Variants in IFT57 observed in about 807,000 individuals in gnomAD.
IFT57 encodes intraflagellar transport protein 57 homolog.
Under a neutral mutation model 56.8 loss-of-function variants are expected in IFT57, and 59 were observed. That is an observed-to-expected ratio of 1.04 (90% CI 0.84 to 1.29). The LOEUF (loss-of-function observed/expected upper bound fraction) is 1.29, where lower values mean the gene tolerates loss of function less well. Among genes scored for constraint, IFT57 ranks in the 50% most tolerant of loss-of-function variants. The probability of loss-of-function intolerance (pLI) is 0.00; values close to 1 mark genes in which losing one functional copy is unlikely to be tolerated. For synonymous variants in IFT57, 209 were observed against 186.1 expected, an observed-to-expected ratio of 1.12 and a Z score of -1.00; for missense variants, 470 against 522.1, an observed-to-expected ratio of 0.90 and a Z score of 0.97.
intron 7 of IFT57, among the ~76,000 whole-genome samples, chr3:108,167,577 CTT>C (rs1027179111): frequency 4.7e-5 from 7 of 149,028 alleles, no homozygotes; most frequent in East Asian, 2.0e-4. Context: ...ACATATATAT[CTT>C]ATATATATAC....
chr3:108,179,618 G>A (rs987824243), intron 6 of IFT57, among the ~76,000 whole-genome samples: 4 of 151,910 alleles, frequency 2.6e-5, no homozygotes, highest in African/African-American at 9.7e-5. Flanking sequence ...GCCCCCGTTT[G>A]TGTATCTATT....
intron 6 of IFT57, among the ~76,000 whole-genome samples, chr3:108,170,020 T>C (rs56176406): frequency 0.11 from 16,504 of 151,974 alleles, 1,767 homozygotes; most frequent in East Asian, 0.53. Context: ...GAGCTATTTA[T>C]GACAAACCCA....
intron 6 of IFT57, among the ~76,000 whole-genome samples, chr3:108,185,499 A>G (rs753160877): frequency 4.7e-4 from 72 of 152,070 alleles, no homozygotes; most frequent in Non-Finnish European, 9.9e-4. Context: ...TGTTATGAAA[A>G]AAAGAAAAAG....
In IFT57 at chr3:108,222,155, G is replaced by A; in HGVS notation, c.168C>T (p.Tyr56=). The change falls in exon 1 of 11, where the codon TAC becomes TAT. Residue 56 remains tyrosine, a synonymous_variant. Transcript: ENST00000264538. The part of the protein sequence containing the change: ...DLVEKLKLLR[Y]EEEFLRKSNL... The stretch of plus-strand genomic sequence containing the variant: ...TGCTCTTCCGGAGGAACTCCTCCTC[G>A]TAGCGGAGCAGCTTCAGCTTCTCCA... 4.3e-6 allele frequency: 7 copies of A among 1,613,406 alleles called. No individual in the cohort carries two copies. The highest frequency in any genetic ancestry group is 5.9e-6 in the Non-Finnish European group (7 of 1,179,726).
chr3:108,199,036 A>G (rs1488573098), intron 5 of IFT57, among the ~76,000 whole-genome samples: 1 of 152,136 alleles, frequency 6.6e-6, no homozygotes, highest in Non-Finnish European at 1.5e-5. Context: ...ATTTCCATAT[A>G]CCCTTCATTC....
chr3:108,219,675 C>T lies in IFT57; in HGVS notation c.213-103G>A, dbSNP rs2080394675. ...CACAATTGTCCAACAATCTTTCTTC[C>T]CCCCAAATGGCCATCAAAAGACCTC... On this transcript the variant is annotated intron_variant, in intron 1 of 10. Transcript: ENST00000264538. 2 of 1,216,546 alleles carry T rather than the reference C, an allele frequency of 1.6e-6. 1 individual carries two copies. Among genetic ancestry groups the T allele is most frequent in the South Asian group, 2.8e-5 (2 of 70,386 alleles). The allele number at this position is 1,216,546 out of a possible 1,614,324, so 75.4% of individuals were successfully genotyped here. A position where few individuals can be genotyped will look rare whatever the true frequency, so the allele number is the denominator to read the frequency against.
At position 108,199,632 on chromosome 3, in the gene IFT57, T is replaced by C. The variant is rs554664473; in HGVS notation, c.654+6996A>G. On this transcript the variant is annotated intron_variant, in intron 5 of 10. Coordinates refer to ENST00000264538, the MANE Select transcript of IFT57 (RefSeq NM_018010.4). ...CCAAGAAGTTATAGGCAAGGTGCAA[T>C]CACTGTATTTATTAATATTTATCCA... Among the ~76,000 whole-genome samples the C allele has an allele frequency of 5.9e-4, 90 of 152,366 alleles. 1 individual carries two copies. In the South Asian group the frequency reaches 0.018, roughly 30 times the overall value.
At chr3:108,211,379 C>T (rs995518702) in intron 4 of IFT57, among the ~76,000 whole-genome samples, 7 of 152,218 alleles carry the variant, frequency 4.6e-5, no homozygotes, top group Non-Finnish European at 7.4e-5. Flanking sequence ...ATCTGTTACA[C>T]AAAGAATAAA....
intron 5 of IFT57, among the ~76,000 whole-genome samples, chr3:108,204,969 T>G (rs2080301422): frequency 6.6e-6 from 1 of 152,214 alleles, no homozygotes; most frequent in Non-Finnish European, 1.5e-5. Context: ...TCTGCAAATG[T>G]AAGGTATTGA....
At chr3:108,165,353 T>G in intron 9 of IFT57, 78 bp downstream of exon 9, 1 of 1,099,706 alleles carries the variant, frequency 9.1e-7, no homozygotes, top group South Asian at 1.2e-5. Flanking sequence ...AAATTAGCAG[T>G]GTTAAACCAT....
intron 1 of IFT57, among the ~76,000 whole-genome samples, chr3:108,221,474 G>C (rs1200895784): frequency 1.3e-5 from 2 of 152,208 alleles, no homozygotes; most frequent in African/African-American, 4.8e-5. Context: ...ATGATAGGGG[G>C]ACAATTCAAT....
At chr3:108,218,736 G>A in intron 2 of IFT57, 83 bp from the exon 3 acceptor site, 1 of 552,736 alleles carries the variant, frequency 1.8e-6, no homozygotes. Flanking sequence ...ACTGCTGAAT[G>A]GATGTATCAC....
chr3:108,217,522 T>A (rs2107222396), intron 3 of IFT57, among the ~76,000 whole-genome samples: 1 of 152,146 alleles, frequency 6.6e-6, no homozygotes, highest in African/African-American at 2.4e-5. Context: ...GAAATTGCCA[T>A]TTTTTAGTTT....
intron 5 of IFT57, among the ~76,000 whole-genome samples, chr3:108,201,777 GTATT>G (rs913883616): frequency 6.6e-6 from 1 of 151,986 alleles, no homozygotes; most frequent in Non-Finnish European, 1.5e-5. Flanking sequence ...AAAAATTAAA[GTATT>G]TAAGATATTA....
chr3:108,210,008 T>C (rs921559805), intron 4 of IFT57, among the ~76,000 whole-genome samples: 1 of 152,162 alleles, frequency 6.6e-6, no homozygotes, highest in Non-Finnish European at 1.5e-5. Context: ...TTACTAAGTA[T>C]TAAGAGAGCA....
chr3:108,218,816 A>G (rs2080388480), intron 2 of IFT57, among the ~76,000 whole-genome samples, 163 bp from the exon 3 acceptor site: 1 of 152,186 alleles, frequency 6.6e-6, no homozygotes, highest in South Asian at 2.1e-4. Context: ...AGTCTTTGTA[A>G]CCCATTGATA....
At chr3:108,207,869 C>T (rs1007907407) in intron 4 of IFT57, among the ~76,000 whole-genome samples, 2 of 152,184 alleles carry the variant, frequency 1.3e-5, no homozygotes, top group South Asian at 4.2e-4. Flanking sequence ...CAGTGAAACC[C>T]TGTCTCTACT....
chr3:108,213,895 G>C, intron 4 of IFT57, 36 bp downstream of exon 4: 2 of 1,257,872 alleles, frequency 1.6e-6, no homozygotes, highest in Non-Finnish European at 2.3e-6. Context: ...GTGGCCGAAA[G>C]GTGAAAATGA....
Position 108,191,600 on chromosome 3 carries a change from G to T in IFT57, c.698C>A (p.Thr233Lys). ...TAKQEDILES[T>K]TDAAEWSLEV... Reference sequence around the variant, plus strand: ...TAGGCTCCATTCTGCAGCATCTGTTGTGGATTCCAAAATATCTTCTTGTTT... The same window carrying T: ...TAGGCTCCATTCTGCAGCATCTGTTTTGGATTCCAAAATATCTTCTTGTTT... The change falls in exon 6 of 11, where the codon ACA becomes AAA. Residue 233 changes from threonine (T) to lysine (K), a missense_variant. Physicochemically the swap from Thr to Lys is moderately conservative, Grantham distance 78. Coordinates refer to ENST00000264538, the MANE Select transcript of IFT57 (RefSeq NM_018010.4). 2 of 1,609,232 alleles carry T rather than the reference G, an allele frequency of 1.2e-6. No individual in the cohort carries two copies. Among genetic ancestry groups the T allele is most frequent in the Non-Finnish European group, 1.7e-6 (2 of 1,176,556 alleles).
Sources: allele counts gnomAD v4.1 joint callset (sites outside exome capture counted in the v4.1 genomes callset), GRCh38; gene constraint gnomAD v4.1.1; transcripts MANE v1.5; gene names NCBI Gene and HGNC (gene_info 2026-07-23, HGNC 2026-07-21).